CHST9: variants seen among roughly 807,000 people sequenced by gnomAD.
CHST9 encodes the protein carbohydrate sulfotransferase 9.
In CHST9, 41 loss-of-function variants were observed where a neutral mutation model predicts 44.4. That is an observed-to-expected ratio of 0.92 (90% CI 0.72 to 1.20). The LOEUF is 1.20. Among genes scored for constraint, CHST9 ranks in the 50% most tolerant of loss-of-function variants. The pLI is 0.00. For synonymous variants in CHST9, 171 were observed against 178.4 expected (o/e 0.96, Z 0.33); for missense variants, 504 against 516.5 (o/e 0.98, Z 0.23).
chr18:26,944,283 T>C, intron 5 of CHST9, 46 bp downstream of exon 5: 1 of 1,465,148 alleles, frequency 6.8e-7, no homozygotes, highest in Non-Finnish European at 9.5e-7. Flanking sequence ...TTTATTAACA[T>C]TGAAACAAAA....
At chr18:26,976,952 C>G (rs1018279859) in intron 4 of CHST9, among the ~76,000 whole-genome samples, 2 of 151,996 alleles carry the variant, frequency 1.3e-5, no homozygotes, top group Non-Finnish European at 2.9e-5. Context: ...GTTTCTTCCT[C>G]TTTTATAAAG....
chr18:27,134,731 A>G (rs954403132), intron 2 of CHST9, among the ~76,000 whole-genome samples: 3 of 152,210 alleles, frequency 2.0e-5, no homozygotes, highest in African/African-American at 7.2e-5. Flanking sequence ...AGCATTGCTA[A>G]GCCTTAGCAA....
intron 2 of CHST9, among the ~76,000 whole-genome samples, chr18:27,062,463 C>T (rs544587796): frequency 6.6e-6 from 1 of 152,282 alleles, no homozygotes; most frequent in Non-Finnish European, 1.5e-5. Context: ...TTTCCAGCTT[C>T]ATCCATGTCC....
chr18:27,016,162 C>T (rs2057151445), intron 4 of CHST9, among the ~76,000 whole-genome samples: 1 of 152,172 alleles, frequency 6.6e-6, no homozygotes, highest in African/African-American at 2.4e-5. Flanking sequence ...CTATATACAC[C>T]TCATGCTTCT....
intron 4 of CHST9, among the ~76,000 whole-genome samples, chr18:26,976,015 T>C (rs1031339117): frequency 2.0e-5 from 3 of 151,636 alleles, no homozygotes; most frequent in Admixed American, 6.6e-5. Flanking sequence ...CCGAGCAATC[T>C]TCTCATGGGT....
intron 3 of CHST9, among the ~76,000 whole-genome samples, chr18:27,027,124 C>A (rs1417323020): frequency 2.0e-5 from 3 of 152,230 alleles, no homozygotes; most frequent in African/African-American, 7.2e-5. Context: ...AACACAAATA[C>A]AACCATGGTG....
chr18:26,932,037 C>T (rs976175309), intron 5 of CHST9, among the ~76,000 whole-genome samples: 8 of 151,884 alleles, frequency 5.3e-5, no homozygotes, highest in African/African-American at 1.5e-4. Context: ...TCCTTTGTAC[C>T]GAGTTACCTT....
chr18:27,107,348 C>T (rs1275298888), intron 2 of CHST9, among the ~76,000 whole-genome samples: 1 of 152,112 alleles, frequency 6.6e-6, no homozygotes, highest in East Asian at 1.9e-4. Context: ...ATGAGGGTTC[C>T]CTGGCTTTGG....
At chr18:27,000,622 G>GTCTATCTACCTGTCTATCTATCTATCTA (rs1555675551) in intron 4 of CHST9, among the ~76,000 whole-genome samples, 13 of 147,608 alleles carry the variant, frequency 8.8e-5, no homozygotes, top group African/African-American at 3.2e-4. Context: ...TATTTGTTTT[G>GTCTATCTACCTGTCTATCTATCTATCTA]TCTATCTATC....
rs1284995990 is a variant in CHST9, at chr18:26,907,422, C to G, written c.*8837G>C. On this transcript the variant is annotated 3_prime_UTR_variant, in exon 6 of 6. Coordinates refer to ENST00000618847, the MANE Select transcript of CHST9 (RefSeq NM_031422.6). ...GTGAGACATCTAGATGAAGCAGTCC[C>G]ACAAGAAACTGGGAATCTGAATCAA... 1 of 152,150 alleles carries G rather than the reference C, an allele frequency of 6.6e-6. No homozygotes were observed. Among genetic ancestry groups the G allele is most frequent in the African/African-American group, 2.4e-5 (1 of 41,396 alleles). The allele number at this position is 152,150 out of a possible 1,614,324, so 9.4% of individuals were successfully genotyped here. A position where few individuals can be genotyped will look rare whatever the true frequency, so the allele number is the denominator to read the frequency against.
At chr18:26,932,285 T>A (rs1309696459) in intron 5 of CHST9, among the ~76,000 whole-genome samples, 4 of 152,210 alleles carry the variant, frequency 2.6e-5, no homozygotes, top group African/African-American at 7.2e-5. Context: ...ACACAGAGAT[T>A]GTGATCATCT....
Position 26,916,317 on chromosome 18 carries a change from A to G in CHST9, c.1274T>C (p.Ile425Thr). The G allele has an allele frequency of 6.2e-7, 1 of 1,608,090 alleles. No individual in the cohort carries two copies. Among genetic ancestry groups the G allele is most frequent in the South Asian group, 1.1e-5 (1 of 90,686 alleles). Residue 425 changes from isoleucine to threonine, a missense_variant, in exon 6 of 6, where the codon ATC (isoleucine) becomes ACC (threonine). Coordinates refer to ENST00000618847, the MANE Select transcript of CHST9 (RefSeq NM_031422.6). ...KDLTRTERQL[I>T]YDFYYLDYLM... ...ATAGTCCAAGTAATAAAAGTCATAG[A>G]TTAATTGTCTCTCAGTTCTAGTCAG...
intron 5 of CHST9, among the ~76,000 whole-genome samples, chr18:26,938,189 T>G (rs1176153508): frequency 6.6e-6 from 1 of 152,192 alleles, no homozygotes; most frequent in Non-Finnish European, 1.5e-5. Context: ...CCCTTCACAT[T>G]TTAACTTTCT....
chr18:27,142,650 T>C lies in CHST9; in HGVS notation c.121+39A>G, dbSNP rs762820567. 3.5e-6 allele frequency: 5 copies of C among 1,432,916 alleles called. No individual in the cohort carries two copies. The South Asian group carries it at 7.2e-5, about 21-fold the overall frequency. The allele number at this position is 1,432,916 out of a possible 1,614,324, so 88.8% of individuals were successfully genotyped here. On this transcript the variant is annotated intron_variant, in intron 2 of 5. Transcript: ENST00000618847. ...TAATTTAATTTAAAAATAGCTATTA[T>C]TGTTACAATTAAAATAGAAGAAAAA... is the stretch of plus-strand genomic sequence containing the variant.
At chr18:27,124,720 A>G (rs192119314) in intron 2 of CHST9, among the ~76,000 whole-genome samples, 142 of 152,318 alleles carry the variant, frequency 9.3e-4, no homozygotes, top group Non-Finnish European at 1.7e-3. Flanking sequence ...AAAGCAAACC[A>G]GGAGTCTCTA....
At chr18:27,130,380 A>G (rs1332555375) in intron 2 of CHST9, among the ~76,000 whole-genome samples, 1 of 152,240 alleles carries the variant, frequency 6.6e-6, no homozygotes, top group Admixed American at 6.5e-5. Flanking sequence ...AAACACTGAG[A>G]GCAGATTCTG....
chr18:26,999,041 C>T (rs375406651), intron 4 of CHST9, among the ~76,000 whole-genome samples: 2 of 152,266 alleles, frequency 1.3e-5, no homozygotes, highest in East Asian at 1.9e-4. Flanking sequence ...AGAATTGGAG[C>T]TACTTTTCAC....
intron 5 of CHST9, among the ~76,000 whole-genome samples, chr18:26,926,219 A>C (rs953344873): frequency 3.9e-5 from 6 of 152,342 alleles, no homozygotes; most frequent in African/African-American, 1.4e-4. Flanking sequence ...TTGTGAGGCT[A>C]TTCAAGTTGA....
At chr18:27,184,350 T>C (rs1442761006) in intron 1 of CHST9, among the ~76,000 whole-genome samples, 1 of 152,190 alleles carries the variant, frequency 6.6e-6, no homozygotes. Flanking sequence ...AAATAACTCC[T>C]GACAGACATC....
Sources: gnomAD v4.1 joint callset for allele counts (sites outside exome capture counted in the v4.1 genomes callset) on GRCh38, gnomAD v4.1.1 for gene constraint, MANE v1.5 for transcripts, NCBI Gene and HGNC (gene_info 2026-07-23, HGNC 2026-07-21) for gene names.